IKZF1: variants seen among roughly 807,000 people sequenced by gnomAD.
The protein encoded by IKZF1 is DNA-binding protein Ikaros.
In IKZF1, 10 loss-of-function variants were observed where a neutral mutation model predicts 51.7. The observed-to-expected ratio is 0.19, with a 90% CI of 0.12 to 0.33. IKZF1 has a LOEUF of 0.33. IKZF1 is among the 10% of genes least tolerant of loss of function. The pLI is 1.00. For missense variants in IKZF1, 484 were observed against 707.5 expected (o/e 0.68, Z 3.58); for synonymous variants, 280 against 282.3 (o/e 0.99, Z 0.08).
intron 3 of IKZF1, among the ~76,000 whole-genome samples, chr7:50,343,168 T>G (rs1219593419): frequency 1.2e-5 from 1 of 80,148 alleles, no homozygotes; most frequent in Non-Finnish European, 2.3e-5. Flanking sequence ...CCTCCTTCCC[T>G]CCCCACCCTC....
intron 3 of IKZF1, among the ~76,000 whole-genome samples, chr7:50,371,500 G>A (rs78451034): frequency 0.076 from 11,581 of 152,300 alleles, 644 homozygotes; most frequent in Non-Finnish European, 0.11. Context: ...TGAATGGGAG[G>A]CATATTGGTG....
chr7:50,343,105 CT>C (rs970564316), intron 3 of IKZF1, among the ~76,000 whole-genome samples: 21 of 148,642 alleles, frequency 1.4e-4, no homozygotes, highest in African/African-American at 2.5e-4. Flanking sequence ...CTTCTTTCCT[CT>C]TTTTTTCTTT....
intron 3 of IKZF1, among the ~76,000 whole-genome samples, chr7:50,354,976 CT>C (rs887385284): frequency 1.3e-5 from 2 of 152,046 alleles, no homozygotes; most frequent in African/African-American, 4.8e-5. Flanking sequence ...GTGGCAATGC[CT>C]TTTGTGACAC....
chr7:50,318,206 T>TTC (rs1792091108), intron 1 of IKZF1, among the ~76,000 whole-genome samples: 1 of 152,158 alleles, frequency 6.6e-6, no homozygotes, highest in African/African-American at 2.4e-5. Flanking sequence ...GATGCTGGGG[T>TTC]TCTCTCCCTG....
At chr7:50,313,563 G>A (rs187574237) in intron 1 of IKZF1, among the ~76,000 whole-genome samples, 202 of 152,290 alleles carry the variant, frequency 1.3e-3, no homozygotes, top group Non-Finnish European at 2.1e-3. Flanking sequence ...CCCCTGCACT[G>A]GGCTGCAACA....
At chr7:50,363,697 G>A (rs925145524) in intron 3 of IKZF1, among the ~76,000 whole-genome samples, 5 of 152,224 alleles carry the variant, frequency 3.3e-5, no homozygotes, top group African/African-American at 9.7e-5. Context: ...TCACTAGAGG[G>A]TGGTCTAAAA....
intron 2 of IKZF1, 79 bp from the exon 3 acceptor site, chr7:50,327,559 C>T (rs1795353310): frequency 5.4e-6 from 8 of 1,484,890 alleles, no homozygotes; most frequent in Non-Finnish European, 1.8e-6. Flanking sequence ...TCATGCCACC[C>T]TCTCAAGCCA....
At chr7:50,379,020 T>C (rs568794175) in intron 4 of IKZF1, among the ~76,000 whole-genome samples, 8 of 152,394 alleles carry the variant, frequency 5.2e-5, no homozygotes, top group African/African-American at 1.7e-4. Context: ...CTGAATTCTC[T>C]ATGCTTAAAA....
At chr7:50,349,245 C>T (rs952814680) in intron 3 of IKZF1, among the ~76,000 whole-genome samples, 1 of 152,114 alleles carries the variant, frequency 6.6e-6, no homozygotes, top group Non-Finnish European at 1.5e-5. Context: ...CTAAATAGCA[C>T]TAGTAAACTG....
chr7:50,393,380 G>A (rs1225881029), intron 7 of IKZF1, among the ~76,000 whole-genome samples: 1 of 152,156 alleles, frequency 6.6e-6, no homozygotes, highest in Non-Finnish European at 1.5e-5. Context: ...CCAGAACAGG[G>A]GCTGGTGAGG....
chr7:50,324,813 A>T lies in IKZF1; in HGVS notation c.41-2825A>T, dbSNP rs192147487. On this transcript the variant is annotated intron_variant, in intron 2 of 7. Coordinates refer to ENST00000331340, the MANE Select transcript of IKZF1 (RefSeq NM_006060.6). Reference sequence around the variant, plus strand: ...TTTGGATGTATTTTAGCATGCACTGAGCGGAAAGTACGACATTTCTTCATT... The same window carrying T: ...TTTGGATGTATTTTAGCATGCACTGTGCGGAAAGTACGACATTTCTTCATT... Among the ~76,000 whole-genome samples, 49 of 152,274 alleles carry T rather than the reference A, an allele frequency of 3.2e-4. 1 individual carries two copies. The highest frequency in any genetic ancestry group is 3.0e-3 in the Admixed American group (46 of 15,306).
chr7:50,361,854 G>A (rs1307442194), intron 3 of IKZF1, among the ~76,000 whole-genome samples: 1 of 151,908 alleles, frequency 6.6e-6, no homozygotes, highest in Non-Finnish European at 1.5e-5. Flanking sequence ...CCAGCCTGGT[G>A]ACAGAGCAAG....
chr7:50,374,202 A>G (rs573703255), intron 3 of IKZF1, among the ~76,000 whole-genome samples: 1 of 152,266 alleles, frequency 6.6e-6, no homozygotes, highest in South Asian at 2.1e-4. Context: ...CTCCATATCC[A>G]TGGGTTCAGC....
intron 5 of IKZF1, among the ~76,000 whole-genome samples, chr7:50,383,125 A>C (rs931163957): frequency 6.6e-6 from 1 of 152,198 alleles, no homozygotes; most frequent in African/African-American, 2.4e-5. Context: ...TGTTTTACAC[A>C]GGTGTAATGG....
intron 3 of IKZF1, among the ~76,000 whole-genome samples, chr7:50,343,153 TCTTCCCTC>T (rs1382157102): frequency 1.5e-5 from 2 of 136,768 alleles, no homozygotes; most frequent in African/African-American, 2.8e-5. Flanking sequence ...TTCCTTTCTT[TCTTCCCTC>T]CTTCCCTCCC....
intron 3 of IKZF1, among the ~76,000 whole-genome samples, chr7:50,344,842 C>T (rs756757898): frequency 4.0e-5 from 6 of 151,856 alleles, no homozygotes; most frequent in Non-Finnish European, 7.4e-5. Flanking sequence ...CAAGAAGCAA[C>T]ATTTTAAGTA....
intron 3 of IKZF1, chr7:50,368,188 T>G: frequency 1.4e-6 from 1 of 703,406 alleles, no homozygotes; most frequent in Non-Finnish European, 2.6e-6. Context: ...GTTCTATTCG[T>G]TAGACACCTA....
chr7:50,336,880 C>T (rs1462110125), intron 3 of IKZF1, among the ~76,000 whole-genome samples: 1 of 152,124 alleles, frequency 6.6e-6, no homozygotes, highest in African/African-American at 2.4e-5. Flanking sequence ...GGACAGCCAA[C>T]AAAACAGCAG....
At chr7:50,314,026 T>G (rs1790846812) in intron 1 of IKZF1, among the ~76,000 whole-genome samples, 1 of 152,160 alleles carries the variant, frequency 6.6e-6, no homozygotes, top group Non-Finnish European at 1.5e-5. Flanking sequence ...CCCCTTAGAG[T>G]ACCAGTGGAG....
Sources: allele counts gnomAD v4.1 joint callset (sites outside exome capture counted in the v4.1 genomes callset), GRCh38; gene constraint gnomAD v4.1.1; transcripts MANE v1.5; gene names NCBI Gene and HGNC (gene_info 2026-07-23, HGNC 2026-07-21).